The following CDH13 variants were observed in gnomAD, a reference collection of about 807,000 sequenced individuals.
CDH13 encodes cadherin-13.
Under a neutral mutation model 63.8 loss-of-function variants are expected in CDH13, and 24 were observed. The observed-to-expected ratio is 0.38, with a 90% CI of 0.27 to 0.53. CDH13 has a LOEUF of 0.53. Ranked by LOEUF, CDH13 falls within the 20% of genes least tolerant of loss-of-function variation. The pLI is 0.85. For missense variants in CDH13, 1,049 were observed against 903.1 expected (o/e 1.16, Z -2.07); for synonymous variants, 503 against 355.3 (o/e 1.42, Z -4.67).
intron 6 of CDH13, among the ~76,000 whole-genome samples, chr16:83,405,403 G>A (rs1488255872): frequency 6.6e-6 from 1 of 152,154 alleles, no homozygotes; most frequent in African/African-American, 2.4e-5. Context: ...GTAACCACAA[G>A]GGTCCTTATA....
intron 11 of CDH13, among the ~76,000 whole-genome samples, chr16:83,779,471 C>G (rs573407824): frequency 3.6e-5 from 4 of 111,482 alleles, no homozygotes; most frequent in African/African-American, 1.3e-4. Context: ...TTGTAAACCA[C>G]TAAACTTTAT....
chr16:83,709,747 A>T (rs775430380), intron 10 of CDH13, among the ~76,000 whole-genome samples: 12 of 152,248 alleles, frequency 7.9e-5, no homozygotes, highest in Non-Finnish European at 1.6e-4. Context: ...TAAACATTTT[A>T]TTCATAGACT....
At chr16:83,203,556 G>A (rs1044169646) in intron 4 of CDH13, among the ~76,000 whole-genome samples, 1 of 151,066 alleles carries the variant, frequency 6.6e-6, no homozygotes, top group African/African-American at 2.4e-5. Flanking sequence ...CTGTCGTGGT[G>A]GGTGCCTGTA....
At chr16:82,700,842 C>G (rs2030896839) in intron 1 of CDH13, among the ~76,000 whole-genome samples, 1 of 151,278 alleles carries the variant, frequency 6.6e-6, no homozygotes, top group Admixed American at 6.6e-5. Flanking sequence ...GCCGCTATCC[C>G]AAATGATTAC....
Position 83,799,670 on chromosome 16 carries a change from C to T in CDH13, c.*4640C>T, listed in dbSNP as rs1420313812. ...CATCTTTCATAAAGACCTCCATCTT[C>T]TCTCCTTAACTGACTGTTGAGATTT... On this transcript the variant is annotated 3_prime_UTR_variant, in exon 14 of 14. Transcript: ENST00000567109. The T allele has an allele frequency of 6.6e-6, 1 of 152,236 alleles. No homozygotes were observed. The highest frequency in any genetic ancestry group is 1.5e-5 in the Non-Finnish European group (1 of 68,046). The allele number at this position is 152,236 out of a possible 1,614,324, so 9.4% of individuals were successfully genotyped here.
chr16:83,116,264 G>T (rs937458215), intron 3 of CDH13, among the ~76,000 whole-genome samples: 1 of 152,164 alleles, frequency 6.6e-6, no homozygotes, highest in Non-Finnish European at 1.5e-5. Flanking sequence ...AATAGACCAC[G>T]CAACCGGGGA....
At chr16:82,692,477 A>T (rs1397012788) in intron 1 of CDH13, among the ~76,000 whole-genome samples, 1 of 151,898 alleles carries the variant, frequency 6.6e-6, no homozygotes, top group Non-Finnish European at 1.5e-5. Context: ...CTCCTTTATA[A>T]AACCATCAGA....
intron 5 of CDH13, among the ~76,000 whole-genome samples, chr16:83,330,705 T>C (rs2090462715): frequency 6.6e-6 from 1 of 152,138 alleles, no homozygotes; most frequent in Non-Finnish European, 1.5e-5. Context: ...CTTCCTCAGA[T>C]TGCACTGGTC....
intron 7 of CDH13, among the ~76,000 whole-genome samples, chr16:83,542,843 G>T (rs1284062391): frequency 6.6e-6 from 1 of 152,164 alleles, no homozygotes; most frequent in Non-Finnish European, 1.5e-5. Context: ...TTGGCTTAGG[G>T]CCCGTGCTCA....
chr16:82,797,394 A>G (rs1269878015), intron 1 of CDH13, among the ~76,000 whole-genome samples: 1 of 152,196 alleles, frequency 6.6e-6, no homozygotes, highest in Non-Finnish European at 1.5e-5. Flanking sequence ...CCCTGGACCA[A>G]AGGACTCGAG....
At chr16:83,419,226 A>G (rs996274636) in intron 6 of CDH13, among the ~76,000 whole-genome samples, 2 of 152,140 alleles carry the variant, frequency 1.3e-5, no homozygotes, top group Admixed American at 6.6e-5. Flanking sequence ...TTGAGTCTAC[A>G]TATAGGTTTA....
intron 1 of CDH13, among the ~76,000 whole-genome samples, chr16:82,802,542 C>G (rs2036918043): frequency 6.6e-6 from 1 of 152,122 alleles, no homozygotes; most frequent in Admixed American, 6.5e-5. Context: ...AAAAGGGACT[C>G]TCCCTGCAGA....
At chr16:82,736,482 A>T (rs774858600) in intron 1 of CDH13, among the ~76,000 whole-genome samples, 16 of 152,110 alleles carry the variant, frequency 1.1e-4, no homozygotes, top group Non-Finnish European at 1.5e-5. Context: ...TGCTGTGGTG[A>T]GCTAATGGTA....
Position 83,253,830 on chromosome 16 carries a change from A to T in CDH13, c.636+36333A>T, listed in dbSNP as rs373878604. 2.0e-5 allele frequency among the ~76,000 whole-genome samples: 3 copies of T among 152,328 alleles called. No individual in the cohort carries two copies. The South Asian group carries it at 6.2e-4, about 32-fold the overall frequency. On this transcript the variant is annotated intron_variant, in intron 5 of 13. Transcript: ENST00000567109. The stretch of plus-strand genomic sequence containing the variant: ...GGACATGTGCAGGCACATCCATGTA[A>T]TATATTAATATAATTAGGAAAGTGG...
chr16:82,729,941 T>A (rs2033310457), intron 1 of CDH13, among the ~76,000 whole-genome samples: 1 of 152,222 alleles, frequency 6.6e-6, no homozygotes, highest in African/African-American at 2.4e-5. Flanking sequence ...TCTTTAAACC[T>A]CATGAACCAA....
chr16:82,803,173 C>T (rs1366740614), intron 1 of CDH13, among the ~76,000 whole-genome samples: 1 of 152,178 alleles, frequency 6.6e-6, no homozygotes, highest in African/African-American at 2.4e-5. Context: ...TAGGTCTAGG[C>T]TACTCTCAGC....
At position 83,350,289 on chromosome 16, in the gene CDH13, G is replaced by A. The variant is rs563261066; in HGVS notation, c.781+5283G>A. Reference sequence around the variant, plus strand: ...AGAATGGCAGCCCCCCACCCTGGACGGGTGGGGCAGCTTTGAGAAAGATAG... The same window carrying A: ...AGAATGGCAGCCCCCCACCCTGGACAGGTGGGGCAGCTTTGAGAAAGATAG... On this transcript the variant is annotated intron_variant, in intron 6 of 13. Transcript: ENST00000567109. Among the ~76,000 whole-genome samples the A allele has an allele frequency of 5.9e-5, 9 of 152,338 alleles. No individual in the cohort carries two copies. The South Asian group carries it at 1.0e-3, about 18-fold the overall frequency.
At chr16:82,842,324 T>C (rs1344881132) in intron 1 of CDH13, among the ~76,000 whole-genome samples, 1 of 151,610 alleles carries the variant, frequency 6.6e-6, no homozygotes, top group East Asian at 1.9e-4. Flanking sequence ...TAGTAACCAG[T>C]AGCTGCACCG....
intron 1 of CDH13, among the ~76,000 whole-genome samples, chr16:82,735,839 G>C (rs1443315421): frequency 2.6e-5 from 4 of 152,150 alleles, no homozygotes; most frequent in Non-Finnish European, 4.4e-5. Context: ...TTTTTAACTT[G>C]GGTGCCAAGC....
Sources: gnomAD v4.1 joint callset for allele counts (sites outside exome capture counted in the v4.1 genomes callset) on GRCh38, gnomAD v4.1.1 for gene constraint, MANE v1.5 for transcripts, NCBI Gene and HGNC (gene_info 2026-07-23, HGNC 2026-07-21) for gene names.